GLP2R: variants seen among roughly 807,000 people sequenced by gnomAD.
GLP2R encodes glucagon-like peptide 2 receptor.
Under a neutral mutation model 68.2 loss-of-function variants are expected in GLP2R, and 59 were observed. The ratio of observed to expected loss-of-function variants is 0.87; its 90% CI spans 0.70 to 1.07. The LOEUF (loss-of-function observed/expected upper bound fraction) is 1.07. Ranked by LOEUF, GLP2R falls within the 50% of genes least tolerant of loss-of-function variation. The pLI, the probability that GLP2R is intolerant of heterozygous loss-of-function variation, is 0.00. For missense variants in GLP2R, 548 were observed against 677.4 expected, an observed-to-expected ratio of 0.81 and a Z score of 2.12; for synonymous variants, 270 against 265.4, an observed-to-expected ratio of 1.02 and a Z score of -0.17.
intron 2 of GLP2R, 141 bp downstream of exon 2, chr17:9,834,035 G>A (rs2066705075): frequency 2.8e-6 from 2 of 709,578 alleles, no homozygotes; most frequent in South Asian, 1.6e-5. Context: ...GGGATGGCTT[G>A]TTTCCGCTCT....
chr17:9,890,922 A>G lies in GLP2R; in HGVS notation c.*1217A>G, dbSNP rs537604533. On this transcript the variant is annotated 3_prime_UTR_variant, in exon 13 of 13. Coordinates refer to ENST00000262441, the MANE Select transcript of GLP2R (RefSeq NM_004246.3). ...CAGGCAGTTGGGGTCAGGCTCAATGACTGAAAGTATAGGGCAAGAGGCTGT... is the reference window on the plus strand; with the variant it reads ...CAGGCAGTTGGGGTCAGGCTCAATGGCTGAAAGTATAGGGCAAGAGGCTGT... 6.6e-6 allele frequency: 1 copy of G among 152,384 alleles called. No individual in the cohort carries two copies. The highest frequency in any genetic ancestry group is 2.4e-5 in the African/African-American group (1 of 41,556). The allele number at this position is 152,384 out of a possible 1,614,324, so 9.4% of individuals were successfully genotyped here.
intron 12 of GLP2R, 21 bp downstream of exon 12, chr17:9,887,994 T>C (rs1461279031): frequency 1.3e-6 from 2 of 1,591,210 alleles, no homozygotes; most frequent in Non-Finnish European, 1.7e-6. Context: ...CACGTTGCCA[T>C]CCTGGTTTCA....
At position 9,840,776 on chromosome 17, in the gene GLP2R, T is replaced by G. The variant is rs544367732; in HGVS notation, c.383-1719T>G. Among the ~76,000 whole-genome samples the G allele has an allele frequency of 1.7e-3, 262 of 152,238 alleles. 2 individuals carry two copies. The highest frequency in any genetic ancestry group is 6.0e-3 in the African/African-American group (251 of 41,546). ...GAAGATGTAGAAAAGGTAAAGGTTT[T>G]AGAGGGAGGGTGTTCAGGAGGGAAG... is the stretch of plus-strand genomic sequence containing the variant. On this transcript the variant is annotated intron_variant, in intron 3 of 12. Transcript: ENST00000262441.
At chr17:9,858,188 C>A (rs1036973592) in intron 6 of GLP2R, among the ~76,000 whole-genome samples, 4 of 152,194 alleles carry the variant, frequency 2.6e-5, no homozygotes, top group African/African-American at 9.7e-5. Context: ...TAGAAACAAT[C>A]CCCCAAGGAT....
intron 6 of GLP2R, among the ~76,000 whole-genome samples, chr17:9,858,564 C>A (rs1444056001): frequency 1.3e-5 from 2 of 152,176 alleles, no homozygotes; most frequent in African/African-American, 4.8e-5. Context: ...AGTATTATTT[C>A]TTCCTTAAAT....
At chr17:9,836,271 C>T in intron 2 of GLP2R, 100 bp from the exon 3 acceptor site, 1 of 774,094 alleles carries the variant, frequency 1.3e-6, no homozygotes. Context: ...ACACCAGCTT[C>T]CAGTGCCAGG....
intron 11 of GLP2R, among the ~76,000 whole-genome samples, chr17:9,882,627 C>T (rs1022264838): frequency 5.9e-5 from 9 of 152,166 alleles, no homozygotes; most frequent in South Asian, 2.1e-4. Context: ...CCCCAAGTGA[C>T]ATATGGATCC....
At chr17:9,884,234 A>G (rs2152049584) in intron 11 of GLP2R, among the ~76,000 whole-genome samples, 1 of 151,226 alleles carries the variant, frequency 6.6e-6, no homozygotes, top group East Asian at 1.9e-4. Flanking sequence ...TAAAAAATGT[A>G]TTTAAAATAC....
chr17:9,842,778 C>T lies in GLP2R; in HGVS notation c.504+162C>T, dbSNP rs146198812. ...TCCCGCAAAGCAGCAACCCTTGTGG[C>T]GGCCATGGAATTTCTTCCACTACTA... is the stretch of plus-strand genomic sequence containing the variant. On this transcript the variant is annotated intron_variant, in intron 4 of 12. Transcript: ENST00000262441. Among the ~76,000 whole-genome samples, 294 of 152,302 alleles carry T rather than the reference C, an allele frequency of 1.9e-3. 4 individuals carry two copies. The highest frequency in any genetic ancestry group is 6.2e-3 in the African/African-American group (258 of 41,560).
chr17:9,876,412 T>G (rs2067142868), intron 10 of GLP2R, among the ~76,000 whole-genome samples: 1 of 152,218 alleles, frequency 6.6e-6, no homozygotes, highest in African/African-American at 2.4e-5. Flanking sequence ...AACTTGTGTA[T>G]TTTTATGCTA....
chr17:9,831,220 A>G (rs936503863), intron 1 of GLP2R, among the ~76,000 whole-genome samples: 1 of 152,122 alleles, frequency 6.6e-6, no homozygotes, highest in African/African-American at 2.4e-5. Flanking sequence ...AAGAGAGAAA[A>G]CCTTAAAGCC....
At chr17:9,850,847 C>A (rs1363164981) in intron 4 of GLP2R, among the ~76,000 whole-genome samples, 1 of 152,124 alleles carries the variant, frequency 6.6e-6, no homozygotes, top group Non-Finnish European at 1.5e-5. Flanking sequence ...GCGCACACCA[C>A]CATGCCCAGC....
intron 4 of GLP2R, among the ~76,000 whole-genome samples, chr17:9,844,883 G>T (rs1339929064): frequency 1.3e-5 from 2 of 150,918 alleles, no homozygotes; most frequent in Non-Finnish European, 3.0e-5. Context: ...TAGAGACGGG[G>T]TTTCACCATG....
At chr17:9,880,122 A>G (rs1451878340) in intron 10 of GLP2R, among the ~76,000 whole-genome samples, 1 of 152,228 alleles carries the variant, frequency 6.6e-6, no homozygotes, top group African/African-American at 2.4e-5. Context: ...ACATATGACA[A>G]TCTATACAGG....
chr17:9,830,029 A>G (rs2066666346), intron 1 of GLP2R, among the ~76,000 whole-genome samples: 1 of 152,246 alleles, frequency 6.6e-6, no homozygotes. Context: ...TCACCCGTAT[A>G]TCTTCTTTCC....
At chr17:9,831,198 G>A (rs1177956260) in intron 1 of GLP2R, among the ~76,000 whole-genome samples, 1 of 152,166 alleles carries the variant, frequency 6.6e-6, no homozygotes, top group Non-Finnish European at 1.5e-5. Flanking sequence ...TGAGCTTGTT[G>A]CCCCTTGTGA....
intron 12 of GLP2R, among the ~76,000 whole-genome samples, chr17:9,888,908 C>G (rs1412452751): frequency 6.6e-6 from 1 of 152,222 alleles, no homozygotes; most frequent in East Asian, 1.9e-4. Context: ...TTTCCAACCC[C>G]TTTTCAACCT....
In GLP2R at chr17:9,889,774, C is replaced by A. The variant is rs2152051963; in HGVS notation, c.*69C>A. The A allele has an allele frequency of 2.1e-6, 2 of 948,032 alleles. No individual in the cohort carries two copies. Among genetic ancestry groups the A allele is most frequent in the Non-Finnish European group, 3.1e-6 (2 of 638,238 alleles). 58.7% of individuals were successfully genotyped at this position (948,032 alleles called of 1,614,324 possible). A position where few individuals can be genotyped will look rare whatever the true frequency, so the allele number is the denominator to read the frequency against. On this transcript the variant is annotated 3_prime_UTR_variant, in exon 13 of 13. Transcript: ENST00000262441. ...GGGGGCCCAGGAAGAGGAAGCAAAG[C>A]AGGACACACGTTGCTGGGCACGGAA...
At chr17:9,826,439 T>C (rs982173394) in intron 1 of GLP2R, among the ~76,000 whole-genome samples, 187 bp downstream of exon 1, 4 of 152,120 alleles carry the variant, frequency 2.6e-5, no homozygotes, top group Non-Finnish European at 5.9e-5. Flanking sequence ...CCTCAAACCT[T>C]TTCTCTATGC....
Sources: gnomAD v4.1 joint callset for allele counts (sites outside exome capture counted in the v4.1 genomes callset) on GRCh38, gnomAD v4.1.1 for gene constraint, MANE v1.5 for transcripts, NCBI Gene and HGNC (gene_info 2026-07-23, HGNC 2026-07-21) for gene names.